Variants in CSMD1 observed in about 807,000 individuals in gnomAD.
CSMD1 encodes the protein CUB and Sushi multiple domains 1, also known as CUB and sushi domain-containing protein 1.
Under a neutral mutation model 417.5 loss-of-function variants are expected in CSMD1, and 213 were observed. The observed-to-expected ratio is 0.51, with a 90% confidence interval of 0.46 to 0.57. The LOEUF is 0.57. Ranked by LOEUF, CSMD1 falls within the 20% of genes least tolerant of loss-of-function variation. The pLI is 0.00. For synonymous variants in CSMD1, 2,862 were observed against 1,736.8 expected (o/e 1.65, Z -16.11); for missense variants, 6,923 against 4,529.7 (o/e 1.53, Z -15.17).
chr8:3,772,837 C>T (rs1584975612), intron 5 of CSMD1, among the ~76,000 whole-genome samples: 2 of 151,892 alleles, frequency 1.3e-5, no homozygotes, highest in African/African-American at 2.4e-5. Context: ...CAGCACCTCC[C>T]AACCCCCTCC....
At chr8:4,034,905 C>T (rs987306105) in intron 3 of CSMD1, among the ~76,000 whole-genome samples, 1 of 152,142 alleles carries the variant, frequency 6.6e-6, no homozygotes, top group Admixed American at 6.5e-5. Flanking sequence ...AAGATAACCA[C>T]AATGACCAGT....
At chr8:4,522,130 G>T (rs1312338883) in intron 2 of CSMD1, among the ~76,000 whole-genome samples, 1 of 152,114 alleles carries the variant, frequency 6.6e-6, no homozygotes, top group Non-Finnish European at 1.5e-5. Context: ...GGAGGTGATT[G>T]AACTATGGAG....
chr8:4,190,254 A>C lies in CSMD1; in HGVS notation c.416-158155T>G, dbSNP rs112707326. ...AGCCTGGGCAACAAACTCCGTCTCC[A>C]AAAAAAAAAAAAAAAAAAAAAGCAG... On this transcript the variant is annotated intron_variant, in intron 3 of 69. Coordinates refer to ENST00000635120, the MANE Select transcript of CSMD1 (RefSeq NM_033225.6). 2.4e-3 allele frequency among the ~76,000 whole-genome samples: 181 copies of C among 75,294 alleles called. 2 individuals carry two copies. Among genetic ancestry groups the C allele is most frequent in the African/African-American group, 9.2e-3 (146 of 15,878 alleles). The allele number at this position is 75,294 out of a possible 152,430, so 49.4% of individuals were successfully genotyped here. A position where few individuals can be genotyped will look rare whatever the true frequency, so the allele number is the denominator to read the frequency against.
In CSMD1 at chr8:4,392,630, G is replaced by T. The variant is rs539637251; in HGVS notation, c.415+27323C>A. Among the ~76,000 whole-genome samples, 6 of 151,294 alleles carry T rather than the reference G, an allele frequency of 4.0e-5. No homozygotes were observed. In the East Asian group the frequency reaches 7.8e-4, roughly 20 times the overall value. On this transcript the variant is annotated intron_variant, in intron 3 of 69. Coordinates refer to ENST00000635120, the MANE Select transcript of CSMD1 (RefSeq NM_033225.6). ...AATAGGATATGAGAAAAGAGCAGGG[G>T]TTTTTTGGGGGGGAGGGTTATTATT... is the stretch of plus-strand genomic sequence containing the variant.
intron 1 of CSMD1, among the ~76,000 whole-genome samples, chr8:4,662,960 G>A (rs1051921043): frequency 1.3e-5 from 2 of 152,202 alleles, no homozygotes; most frequent in Non-Finnish European, 2.9e-5. Flanking sequence ...CTTAAGGAAT[G>A]TTCTTCAACA....
chr8:4,702,421 G>C (rs540708457), intron 1 of CSMD1, among the ~76,000 whole-genome samples: 7 of 152,306 alleles, frequency 4.6e-5, no homozygotes, highest in African/African-American at 1.7e-4. Context: ...ACAACCTTGA[G>C]TAAGATGACA....
chr8:4,948,992 C>T (rs1274265497), intron 1 of CSMD1, among the ~76,000 whole-genome samples: 1 of 152,028 alleles, frequency 6.6e-6, no homozygotes, highest in Non-Finnish European at 1.5e-5. Flanking sequence ...TTTAAGGAAG[C>T]CTCCTTCTGT....
intron 5 of CSMD1, chr8:3,949,879 C>G: frequency 2.2e-6 from 1 of 455,610 alleles, no homozygotes; most frequent in Non-Finnish European, 4.4e-6. Context: ...CATTCAGCCC[C>G]AATTCAAGAT....
intron 7 of CSMD1, among the ~76,000 whole-genome samples, chr8:3,684,185 G>A (rs1799814559): frequency 9.6e-6 from 1 of 103,794 alleles, no homozygotes. Context: ...CATGTTACAT[G>A]TAATATATAT....
chr8:4,390,490 C>A (rs1056848568), intron 3 of CSMD1, among the ~76,000 whole-genome samples: 1 of 40,832 alleles, frequency 2.4e-5, no homozygotes, highest in Non-Finnish European at 4.8e-5. Context: ...CCCACAGAAG[C>A]GTCCATTTTT....
chr8:4,315,721 G>C (rs1454722224), intron 3 of CSMD1, among the ~76,000 whole-genome samples: 2 of 152,108 alleles, frequency 1.3e-5, no homozygotes, highest in Non-Finnish European at 2.9e-5. Context: ...GGTATAGATT[G>C]AGCTGTGCAA....
intron 11 of CSMD1, among the ~76,000 whole-genome samples, chr8:3,480,362 T>G (rs1285444039): frequency 6.6e-6 from 1 of 152,076 alleles, no homozygotes; most frequent in African/African-American, 2.4e-5. Context: ...AAAGACTCTG[T>G]CTCAAAAATA....
At chr8:3,502,155 G>T (rs551841818) in intron 10 of CSMD1, among the ~76,000 whole-genome samples, 92 of 152,008 alleles carry the variant, frequency 6.1e-4, no homozygotes, top group African/African-American at 2.1e-3. Context: ...ACGAGGTCAG[G>T]AGATCGAGAC....
chr8:4,847,656 G>A (rs1365532477), intron 1 of CSMD1, among the ~76,000 whole-genome samples: 4 of 151,794 alleles, frequency 2.6e-5, no homozygotes, highest in Non-Finnish European at 5.9e-5. Flanking sequence ...ATTTAGACAT[G>A]GTTTCTCCTT....
chr8:4,930,240 T>A (rs1317376644), intron 1 of CSMD1, among the ~76,000 whole-genome samples: 1 of 152,200 alleles, frequency 6.6e-6, no homozygotes, highest in Non-Finnish European at 1.5e-5. Context: ...AGGCATCTCG[T>A]GCTAACTAAT....
At chr8:3,029,637 A>G in intron 50 of CSMD1, 124 bp from the exon 51 acceptor site, 1 of 721,986 alleles carries the variant, frequency 1.4e-6, no homozygotes, top group Non-Finnish European at 2.3e-6. Flanking sequence ...TGATGCCATT[A>G]CGTATTATCT....
intron 1 of CSMD1, among the ~76,000 whole-genome samples, chr8:4,784,215 G>T (rs990069554): frequency 6.6e-6 from 1 of 152,160 alleles, no homozygotes; most frequent in South Asian, 2.1e-4. Flanking sequence ...TGACTTGTTT[G>T]AACATTGCGG....
At chr8:3,768,539 C>T (rs1399968528) in intron 5 of CSMD1, among the ~76,000 whole-genome samples, 1 of 152,076 alleles carries the variant, frequency 6.6e-6, no homozygotes, top group Admixed American at 6.6e-5. Context: ...ATAAGAAAGT[C>T]CAAATGGCTC....
intron 1 of CSMD1, among the ~76,000 whole-genome samples, chr8:4,895,331 T>G (rs932220832): frequency 3.3e-5 from 5 of 152,108 alleles, no homozygotes; most frequent in African/African-American, 1.2e-4. Context: ...TCTCCAATAT[T>G]TCAGTTTCTG....
Sources: allele counts gnomAD v4.1 joint callset (sites outside exome capture counted in the v4.1 genomes callset), GRCh38; gene constraint gnomAD v4.1.1; transcripts MANE v1.5; gene names NCBI Gene and HGNC (gene_info 2026-07-23, HGNC 2026-07-21).